Variants in AUTS2 observed in about 807,000 individuals in gnomAD.
AUTS2 encodes the protein autism susceptibility gene 2 protein.
Under a neutral mutation model 112.4 loss-of-function variants are expected in AUTS2, and 17 were observed. That is an observed-to-expected ratio of 0.15 (90% CI 0.10 to 0.23). The LOEUF (loss-of-function observed/expected upper bound fraction) is 0.23, where lower values mean the gene tolerates loss of function less well. Among genes scored for constraint, AUTS2 ranks in the 10% least tolerant of loss-of-function variants. The pLI is 1.00. For missense variants in AUTS2, 1,510 were observed against 1,701.6 expected (o/e 0.89, Z 1.98); for synonymous variants, 751 against 702.7 (o/e 1.07, Z -1.09).
At chr7:70,504,595 G>A (rs1263510841) in intron 5 of AUTS2, among the ~76,000 whole-genome samples, 1 of 152,206 alleles carries the variant, frequency 6.6e-6, no homozygotes, top group Non-Finnish European at 1.5e-5. Context: ...CCCACTTGCG[G>A]GAAGGTTGGA....
At chr7:70,728,865 A>G (rs1380144890) in intron 6 of AUTS2, among the ~76,000 whole-genome samples, 1 of 152,136 alleles carries the variant, frequency 6.6e-6, no homozygotes, top group Non-Finnish European at 1.5e-5. Context: ...GGCAGCCTGC[A>G]TTCTTAACTG....
intron 1 of AUTS2, among the ~76,000 whole-genome samples, chr7:69,760,306 A>T (rs1484859817): frequency 6.7e-6 from 1 of 149,392 alleles, no homozygotes; most frequent in Non-Finnish European, 1.5e-5. Context: ...ATGTGCTAGG[A>T]TTGCAGGTGT....
At chr7:70,266,839 A>T (rs1006027156) in intron 4 of AUTS2, among the ~76,000 whole-genome samples, 37 of 151,996 alleles carry the variant, frequency 2.4e-4, no homozygotes, top group Non-Finnish European at 4.4e-4. Flanking sequence ...AATGTTTGGT[A>T]TTTTTTTTCC....
chr7:70,489,848 C>T (rs188537224), intron 5 of AUTS2, among the ~76,000 whole-genome samples: 1 of 152,244 alleles, frequency 6.6e-6, no homozygotes, highest in Admixed American at 6.5e-5. Flanking sequence ...TAGAAATCAA[C>T]AACAATGAGA....
At chr7:70,658,783 G>A (rs544387494) in intron 5 of AUTS2, among the ~76,000 whole-genome samples, 13 of 152,258 alleles carry the variant, frequency 8.5e-5, no homozygotes, top group African/African-American at 2.4e-4. Flanking sequence ...TTCTTATTTC[G>A]GGTGCGAGGG....
chr7:69,731,069 G>C (rs550750209), intron 1 of AUTS2, among the ~76,000 whole-genome samples: 22 of 152,174 alleles, frequency 1.4e-4, no homozygotes, highest in African/African-American at 5.1e-4. Context: ...GCCAAGGTGG[G>C]AGGATCACTT....
At chr7:70,425,377 A>G (rs905896292) in intron 4 of AUTS2, among the ~76,000 whole-genome samples, 21 of 152,236 alleles carry the variant, frequency 1.4e-4, no homozygotes, top group Admixed American at 5.2e-4. Flanking sequence ...AGGTGATTCA[A>G]GCCAGACTGG....
intron 5 of AUTS2, among the ~76,000 whole-genome samples, chr7:70,522,537 C>A (rs879460502): frequency 1.2e-4 from 18 of 152,190 alleles, no homozygotes; most frequent in Admixed American, 9.2e-4. Context: ...CTTCCACTTA[C>A]AAGGGAAAAT....
intron 2 of AUTS2, among the ~76,000 whole-genome samples, chr7:69,939,551 T>G (rs1211211835): frequency 6.6e-6 from 1 of 152,226 alleles, no homozygotes; most frequent in Non-Finnish European, 1.5e-5. Context: ...AAGTGAGCTC[T>G]TTGATCCACA....
chr7:70,746,255 C>T (rs558340866), intron 6 of AUTS2, among the ~76,000 whole-genome samples: 1 of 152,290 alleles, frequency 6.6e-6, no homozygotes, highest in Non-Finnish European at 1.5e-5. Flanking sequence ...AAGCGATTCT[C>T]CTGCCTCAGC....
At chr7:69,941,559 C>G (rs186766188) in intron 2 of AUTS2, among the ~76,000 whole-genome samples, 57 of 150,688 alleles carry the variant, frequency 3.8e-4, no homozygotes, top group African/African-American at 1.4e-3. Context: ...CAGCTCCAGT[C>G]TGCCCTACAG....
At chr7:70,509,986 A>G (rs1380560998) in intron 5 of AUTS2, among the ~76,000 whole-genome samples, 1 of 152,106 alleles carries the variant, frequency 6.6e-6, no homozygotes, top group East Asian at 1.9e-4. Context: ...AGTGCATCCT[A>G]CATCCCTAGA....
intron 2 of AUTS2, among the ~76,000 whole-genome samples, chr7:70,103,767 G>A (rs575795459): frequency 2.1e-4 from 32 of 151,810 alleles, no homozygotes; most frequent in Admixed American, 8.5e-4. Context: ...AAAATTAGCC[G>A]GGCATGGTGG....
chr7:70,294,337 A>G (rs188936344), intron 4 of AUTS2: 4 of 152,348 alleles, frequency 2.6e-5, no homozygotes, highest in Non-Finnish European at 4.4e-5. Flanking sequence ...GTAACTGTAC[A>G]CATAAAACAA....
intron 4 of AUTS2, among the ~76,000 whole-genome samples, chr7:70,326,953 T>C (rs1475449960): frequency 7.0e-6 from 1 of 142,510 alleles, no homozygotes; most frequent in Non-Finnish European, 1.5e-5. Flanking sequence ...AATTTCGCTC[T>C]GTCGCCCAGG....
chr7:70,023,807 C>G (rs568806107), intron 2 of AUTS2, among the ~76,000 whole-genome samples: 2 of 152,162 alleles, frequency 1.3e-5, no homozygotes, highest in East Asian at 1.9e-4. Context: ...CCAGGCCAAG[C>G]AAATACAGTT....
At chr7:69,688,514 T>C (rs771485899) in intron 1 of AUTS2, among the ~76,000 whole-genome samples, 5 of 152,238 alleles carry the variant, frequency 3.3e-5, no homozygotes, top group Non-Finnish European at 5.9e-5. Context: ...AACTGACATA[T>C]AATCGTACAT....
At chr7:69,835,841 G>C (rs925874470) in intron 1 of AUTS2, among the ~76,000 whole-genome samples, 2 of 152,190 alleles carry the variant, frequency 1.3e-5, no homozygotes, top group East Asian at 1.9e-4. Flanking sequence ...ACACCCCAGA[G>C]GTGAAGAAGA....
intron 5 of AUTS2, among the ~76,000 whole-genome samples, chr7:70,497,010 GTCA>G (rs1199478235): frequency 5.4e-5 from 4 of 73,814 alleles, no homozygotes; most frequent in Admixed American, 1.4e-4. Context: ...CACGTACACA[GTCA>G]GACACACACA....
Sources: allele counts gnomAD v4.1 joint callset (sites outside exome capture counted in the v4.1 genomes callset), GRCh38; gene constraint gnomAD v4.1.1; transcripts MANE v1.5; gene names NCBI Gene and HGNC (gene_info 2026-07-23, HGNC 2026-07-21).